The following C10orf105 variants were observed in gnomAD, a reference collection of about 807,000 sequenced individuals.
The protein encoded by C10orf105 is chromosome 10 open reading frame 105, also known as uncharacterized protein C10orf105.
Under a neutral mutation model 0.6 loss-of-function variants are expected in C10orf105, and 2 were observed. The ratio of observed to expected loss-of-function variants is 3.18; its 90% CI spans 1.30 to 10.01. C10orf105 has a LOEUF of 10.01. Among genes scored for constraint, C10orf105 ranks in the 30% most tolerant of loss-of-function variants. The pLI is 0.04. For missense variants in C10orf105, 209 were observed against 191.4 expected (o/e 1.09, Z -0.54); for synonymous variants, 95 against 82.4 (o/e 1.15, Z -0.83).
At chr10:71,725,528 TA>T (rs1589376497) in intron 1 of C10orf105, 1 of 1,611,200 alleles carries the variant, frequency 6.2e-7, no homozygotes, top group Non-Finnish European at 8.5e-7. Flanking sequence ...AGGGTGAGGC[TA>T]GGGGCGGGCT....
Position 71,716,080 on chromosome 10 carries a change from C to G in C10orf105, c.258G>C (p.Gln86His). 6.6e-7 allele frequency: 1 copy of G among 1,524,912 alleles called. No homozygotes were observed. Among genetic ancestry groups the G allele is most frequent in the Non-Finnish European group, 8.8e-7 (1 of 1,132,370 alleles). The allele number at this position is 1,524,912 out of a possible 1,614,324, so 94.5% of individuals were successfully genotyped here. Reference sequence around the variant, plus strand: ...AGCCCAGGCGCTTCCAGAGCCGGAGCTGGGGCTCACTGGGGCTCCCAGGGT... The same window carrying G: ...AGCCCAGGCGCTTCCAGAGCCGGAGGTGGGGCTCACTGGGGCTCCCAGGGT... Reference protein sequence around the residue: ...PHHPGSPSEPQLRLWKRLGSL... With the variant: ...PHHPGSPSEPHLRLWKRLGSL... The change falls in exon 2 of 2, where the codon CAG becomes CAC. Residue 86 changes from glutamine (Q) to histidine (H), a missense_variant. Physicochemically the swap from Gln to His is conservative, Grantham distance 24 (BLOSUM62 0). Transcript: ENST00000441508.
chr10:71,724,458 G>A (rs1445476793), upstream of C10orf105, among the ~76,000 whole-genome samples: 3 of 152,282 alleles, frequency 2.0e-5, no homozygotes, highest in South Asian at 6.2e-4. Context: ...GACTACAGGC[G>A]CATGCCTGTA....
chr10:71,712,682 A>G lies in C10orf105; in HGVS notation c.*3254T>C, dbSNP rs1163954428. 6.2e-7 allele frequency: 1 copy of G among 1,613,692 alleles called. No homozygotes were observed. The highest frequency in any genetic ancestry group is 8.5e-7 in the Non-Finnish European group (1 of 1,179,890). ...TCCCACAGACAACGGCCCTGTAGGG[A>G]AGCGACACACGGGCACAGCCACCGT... On this transcript the variant is annotated 3_prime_UTR_variant, in exon 2 of 2. Transcript: ENST00000441508.
At chr10:71,722,040 G>A (rs1168389483), upstream of C10orf105, among the ~76,000 whole-genome samples, 1 of 152,176 alleles carries the variant, frequency 6.6e-6, no homozygotes, top group Admixed American at 6.5e-5. Context: ...CTTGATCTTT[G>A]CTAGCAGGAA....
chr10:71,725,602 G>C (rs561625497), intron 1 of C10orf105: 8 of 1,474,000 alleles, frequency 5.4e-6, no homozygotes, highest in Non-Finnish European at 6.4e-6. Context: ...ATTAGTTGGC[G>C]CCTGGTGTGG....
chr10:71,730,216 C>G (rs181508551), intron 1 of C10orf105, among the ~76,000 whole-genome samples: 1 of 152,304 alleles, frequency 6.6e-6, no homozygotes, highest in African/African-American at 2.4e-5. Context: ...AGATGTTCCA[C>G]AGCATTAGTC....
rs894816879 is a variant in C10orf105, at chr10:71,712,338, GT to G, written c.*3597del. On this transcript the variant is annotated 3_prime_UTR_variant, in exon 2 of 2. Transcript: ENST00000441508. Reference sequence around the variant, plus strand: ...GTTCCCAGGGGTTTAACATGGGTCTGTTTTTTTTGGGAGCCATCATTCAATC... The same window carrying G: ...GTTCCCAGGGGTTTAACATGGGTCTGTTTTTTTGGGAGCCATCATTCAATC... 231 of 258,388 alleles carry G rather than the reference GT, an allele frequency of 8.9e-4. No individual in the cohort carries two copies. The highest frequency in any genetic ancestry group is 3.2e-3 in the African/African-American group (146 of 45,826). The allele number at this position is 258,388 out of a possible 1,614,324, so 16.0% of individuals were successfully genotyped here. A position where few individuals can be genotyped will look rare whatever the true frequency, so the allele number is the denominator to read the frequency against.
chr10:71,731,521 G>T (rs2132823056), intron 1 of C10orf105, among the ~76,000 whole-genome samples: 1 of 152,294 alleles, frequency 6.6e-6, no homozygotes, highest in East Asian at 1.9e-4. Flanking sequence ...ACAGGAATTT[G>T]GGGCGTAGGG....
At chr10:71,729,984 G>A (rs1183877937) in intron 1 of C10orf105, among the ~76,000 whole-genome samples, 7 of 151,826 alleles carry the variant, frequency 4.6e-5, no homozygotes, top group East Asian at 1.9e-4. Context: ...ACAGGCGCCC[G>A]CCACCACGCC....
At chr10:71,732,854 C>A in intron 1 of C10orf105, 2 of 289,216 alleles carry the variant, frequency 6.9e-6, no homozygotes, top group Non-Finnish European at 1.1e-5. Flanking sequence ...TTGACACCAG[C>A]TGGGAATCCT....
At chr10:71,724,152 G>C, upstream of C10orf105, 1 of 1,542,652 alleles carries the variant, frequency 6.5e-7, no homozygotes, top group Non-Finnish European at 8.8e-7. Flanking sequence ...CTGCCCAGGG[G>C]AGGGCAGAGC....
intron 1 of C10orf105, chr10:71,732,001 GT>G (rs745756703): frequency 6.2e-7 from 1 of 1,613,662 alleles, no homozygotes; most frequent in East Asian, 2.2e-5. Context: ...TGGTGGCCTG[GT>G]GAACTACCGC....
At chr10:71,737,347 T>A (rs1299180907) in intron 1 of C10orf105, among the ~76,000 whole-genome samples, 1 of 152,196 alleles carries the variant, frequency 6.6e-6, no homozygotes, top group Non-Finnish European at 1.5e-5. Flanking sequence ...AAATGGAAAA[T>A]CAGAGAGCTT....
In C10orf105 at chr10:71,715,967, T is replaced by C. The variant is rs1252275216; in HGVS notation, c.371A>G (p.His124Arg). 1 of 1,482,340 alleles carries C rather than the reference T, an allele frequency of 6.7e-7. No homozygotes were observed. Among genetic ancestry groups the C allele is most frequent in the East Asian group, 2.5e-5 (1 of 40,210 alleles). The allele number at this position is 1,482,340 out of a possible 1,614,324, so 91.8% of individuals were successfully genotyped here. Residue 124 changes from histidine (H) to arginine (R), a missense_variant, in exon 2 of 2, where the codon CAC becomes CGC. By Grantham distance (29) the His-to-Arg change is conservative. Transcript: ENST00000441508. ...CTTGGTAGATTCCATGTAGTCACAG[T>C]GGCTGCGGTTGTCCTCGGGGCCCGG... ...PLPGPEDNRSHCDYMESTKM is the reference protein window; with the variant it reads ...PLPGPEDNRSRCDYMESTKM
At position 71,712,618 on chromosome 10, in the gene C10orf105, CCT is replaced by C. The variant is rs1564749096; in HGVS notation, c.*3316_*3317del. On this transcript the variant is annotated 3_prime_UTR_variant, in exon 2 of 2. Transcript: ENST00000441508. ...TGTGCAAAGTCACAGGAAGTGTGCCCCTCTCTCAGGCAGCTGCTAACACCTGT... is the reference window on the plus strand; with the variant it reads ...TGTGCAAAGTCACAGGAAGTGTGCCCCTCTCAGGCAGCTGCTAACACCTGT... 3 of 1,604,528 alleles carry C rather than the reference CCT, an allele frequency of 1.9e-6. No individual in the cohort carries two copies. The highest frequency in any genetic ancestry group is 2.2e-5 in the East Asian group (1 of 44,564).
At position 71,714,631 on chromosome 10, in the gene C10orf105, G is replaced by C. The variant is rs777073790; in HGVS notation, c.*1305C>G. 1 of 152,226 alleles carries C rather than the reference G, an allele frequency of 6.6e-6. No homozygotes were observed. The highest frequency in any genetic ancestry group is 2.4e-5 in the African/African-American group (1 of 41,452). 9.4% of individuals were successfully genotyped at this position (152,226 alleles called of 1,614,324 possible). ...AAGATGAGGCTAGAAAGATTAATTG[G>C]AGCCAGCTCCCAGAGGGCACTGCAC... On this transcript the variant is annotated 3_prime_UTR_variant, in exon 2 of 2. Coordinates refer to ENST00000441508, the MANE Select transcript of C10orf105 (RefSeq NM_001164375.3).
upstream of C10orf105, among the ~76,000 whole-genome samples, chr10:71,720,047 CCT>C (rs772187270): frequency 5.9e-5 from 9 of 152,210 alleles, no homozygotes; most frequent in Non-Finnish European, 1.3e-4. Flanking sequence ...CTCACCTTCC[CCT>C]GTCGGAAGTT....
upstream of C10orf105, among the ~76,000 whole-genome samples, chr10:71,721,087 C>A (rs1866534928): frequency 6.6e-6 from 1 of 152,208 alleles, no homozygotes; most frequent in African/African-American, 2.4e-5. Context: ...CCTGAGATGA[C>A]AGAAGACAAA....
exon 1 of C10orf105, chr10:71,737,806 T>C (rs1280500152): frequency 2.1e-6 from 1 of 467,912 alleles, no homozygotes; most frequent in African/African-American, 2.0e-5. Flanking sequence ...CTCTCCTGCC[T>C]CTCCACAAGA....
Sources: allele counts gnomAD v4.1 joint callset (sites outside exome capture counted in the v4.1 genomes callset), GRCh38; gene constraint gnomAD v4.1.1; transcripts MANE v1.5; gene names NCBI Gene and HGNC (gene_info 2026-07-23, HGNC 2026-07-21).